Variants in FHIP1A observed in about 807,000 individuals in gnomAD.
FHIP1A encodes FHF complex subunit HOOK interacting protein 1A, also known as FHF complex subunit HOOK-interacting protein 1A.
Under a neutral mutation model 88.6 loss-of-function variants are expected in FHIP1A, and 61 were observed. The ratio of observed to expected loss-of-function variants is 0.69; its 90% CI spans 0.56 to 0.85. The LOEUF is 0.85. Among genes scored for constraint, FHIP1A ranks in the 40% least tolerant of loss-of-function variants. FHIP1A has a pLI of 0.00. For missense variants in FHIP1A, 1,154 were observed against 1,273.5 expected, an observed-to-expected ratio of 0.91 and a Z score of 1.43; for synonymous variants, 478 against 496.0, an observed-to-expected ratio of 0.96 and a Z score of 0.48.
chr4:151,520,054 A>G (rs994801660), intron 3 of FHIP1A, among the ~76,000 whole-genome samples: 1 of 152,064 alleles, frequency 6.6e-6, no homozygotes, highest in Admixed American at 6.6e-5. Flanking sequence ...CTCTTTACTA[A>G]CCATATCTTT....
chr4:151,576,635 T>A (rs985821077), intron 4 of FHIP1A: 1 of 152,226 alleles, frequency 6.6e-6, no homozygotes, highest in African/African-American at 2.4e-5. Context: ...TGTTTCATAA[T>A]TGGTTGTCTC....
intron 3 of FHIP1A, among the ~76,000 whole-genome samples, chr4:151,556,186 A>G (rs1473760149): frequency 6.6e-6 from 1 of 152,136 alleles, no homozygotes; most frequent in Non-Finnish European, 1.5e-5. Context: ...GTTCTCTAGA[A>G]AGGAGCAACT....
chr4:151,571,178 A>T (rs1578766501), intron 4 of FHIP1A, among the ~76,000 whole-genome samples: 1 of 152,246 alleles, frequency 6.6e-6, no homozygotes, highest in Non-Finnish European at 1.5e-5. Flanking sequence ...CCTTTCAAGC[A>T]TTGAATTCCA....
intron 3 of FHIP1A, among the ~76,000 whole-genome samples, chr4:151,502,183 A>T (rs1730677623): frequency 6.6e-6 from 1 of 151,444 alleles, no homozygotes; most frequent in African/African-American, 2.4e-5. Flanking sequence ...AGAAAAGAAA[A>T]AATTAGCCAG....
At chr4:151,491,703 G>A (rs1294754830) in intron 3 of FHIP1A, among the ~76,000 whole-genome samples, 3 of 152,096 alleles carry the variant, frequency 2.0e-5, no homozygotes, top group African/African-American at 7.2e-5. Context: ...CAGAATGGCA[G>A]AATGGATAAA....
chr4:151,618,359 A>G (rs765570232), intron 7 of FHIP1A, among the ~76,000 whole-genome samples: 2 of 152,228 alleles, frequency 1.3e-5, no homozygotes, highest in African/African-American at 4.8e-5. Context: ...CTAGTTCATC[A>G]TCATTTTACA....
intron 3 of FHIP1A, among the ~76,000 whole-genome samples, chr4:151,546,241 G>A (rs1732498035): frequency 6.6e-6 from 1 of 152,132 alleles, no homozygotes; most frequent in Admixed American, 6.5e-5. Flanking sequence ...TTGGACTCCC[G>A]GATTTATACC....
At chr4:151,596,614 T>C (rs1442970969) in intron 7 of FHIP1A, among the ~76,000 whole-genome samples, 1 of 152,148 alleles carries the variant, frequency 6.6e-6, no homozygotes, top group Admixed American at 6.5e-5. Flanking sequence ...TCCTGAAGAG[T>C]GTTTTCCAAG....
Position 151,447,593 on chromosome 4 carries a change from T to C in FHIP1A, c.-355-7108T>C, listed in dbSNP as rs373331405. Among the ~76,000 whole-genome samples the C allele has an allele frequency of 3.9e-5, 6 of 152,304 alleles. No individual in the cohort carries two copies. In the South Asian group the frequency reaches 1.0e-3, roughly 26 times the overall value. On this transcript the variant is annotated intron_variant, in intron 1 of 13. Coordinates refer to ENST00000435205, the MANE Select transcript of FHIP1A (RefSeq NM_001109977.3). ...ATTTTTAAAAAATTGTAGTGAAATA[T>C]ACATTTTATGGGCTGAATTGTGCCC...
chr4:151,605,898 CG>C (rs1417074925), intron 7 of FHIP1A, among the ~76,000 whole-genome samples: 1 of 152,110 alleles, frequency 6.6e-6, no homozygotes, highest in Non-Finnish European at 1.5e-5. Context: ...GCTGGAACTC[CG>C]GTAGAGCCCA....
intron 5 of FHIP1A, among the ~76,000 whole-genome samples, chr4:151,580,962 A>T (rs908926289): frequency 2.0e-5 from 3 of 152,152 alleles, no homozygotes; most frequent in Non-Finnish European, 4.4e-5. Flanking sequence ...GGTTCAAGTG[A>T]TTCTCATGCC....
intron 7 of FHIP1A, among the ~76,000 whole-genome samples, chr4:151,618,620 T>G (rs1341803663): frequency 6.6e-6 from 1 of 152,184 alleles, no homozygotes; most frequent in Non-Finnish European, 1.5e-5. Flanking sequence ...GGAAGGCACT[T>G]TTCACAGAAG....
At chr4:151,551,183 G>C (rs1011182556) in intron 3 of FHIP1A, among the ~76,000 whole-genome samples, 2 of 152,118 alleles carry the variant, frequency 1.3e-5, no homozygotes, top group East Asian at 3.8e-4. Flanking sequence ...TTAGTAAAAG[G>C]GTAGGGGAAG....
rs536371663 is a variant in FHIP1A at position 151,663,556 on chromosome 4, T to A, written c.*802T>A. Reference sequence around the variant, plus strand: ...GGAGTTTGATCAGATGAAGAAGTAATGGTATCACATATATATGTAAGAAGA... The same window carrying A: ...GGAGTTTGATCAGATGAAGAAGTAAAGGTATCACATATATATGTAAGAAGA... On this transcript the variant is annotated 3_prime_UTR_variant, in exon 14 of 14. Transcript: ENST00000435205. The A allele has an allele frequency of 6.6e-6, 1 of 152,210 alleles. No individual in the cohort carries two copies. The highest frequency in any genetic ancestry group is 1.5e-5 in the Non-Finnish European group (1 of 68,032). The allele number at this position is 152,210 out of a possible 1,614,324, so 9.4% of individuals were successfully genotyped here.
At chr4:151,510,018 GGCCCT>G (rs1326363643) in intron 3 of FHIP1A, among the ~76,000 whole-genome samples, 1 of 152,084 alleles carries the variant, frequency 6.6e-6, no homozygotes, top group Non-Finnish European at 1.5e-5. Flanking sequence ...TTCCTACTCT[GGCCCT>G]TTCCTTTTCC....
chr4:151,553,739 T>C (rs1732837106), intron 3 of FHIP1A, among the ~76,000 whole-genome samples: 1 of 152,216 alleles, frequency 6.6e-6, no homozygotes, highest in Admixed American at 6.5e-5. Context: ...TTGTTTTGCC[T>C]ATTTCCAATC....
intron 3 of FHIP1A, among the ~76,000 whole-genome samples, chr4:151,496,228 A>G (rs6855845): frequency 0.51 from 75,344 of 149,108 alleles, 19,314 homozygotes; most frequent in Non-Finnish European, 0.55. Flanking sequence ...TAAATAAACA[A>G]AAGATTATAT....
chr4:151,666,095 A>ATC lies in FHIP1A; in HGVS notation c.*3342_*3343insCT, dbSNP rs1460643933. Among the ~76,000 whole-genome samples the ATC allele has an allele frequency of 1.3e-5, 2 of 152,268 alleles. No individual in the cohort carries two copies. The highest frequency in any genetic ancestry group is 6.5e-5 in the Admixed American group (1 of 15,290). ...CTGAGTGACTTCTGTGGTTCAAAAT[A>ATC]TATGAGAGCACTGGGATATTTAAAA... On this transcript the variant is annotated 3_prime_UTR_variant, in exon 14 of 14. Transcript: ENST00000435205.
At chr4:151,592,928 T>G (rs1734494517) in intron 7 of FHIP1A, among the ~76,000 whole-genome samples, 1 of 152,216 alleles carries the variant, frequency 6.6e-6, no homozygotes, top group Admixed American at 6.5e-5. Context: ...CCATCGTGAA[T>G]TAATTTTTGT....
Sources: gnomAD v4.1 joint callset for allele counts (sites outside exome capture counted in the v4.1 genomes callset) on GRCh38, gnomAD v4.1.1 for gene constraint, MANE v1.5 for transcripts, NCBI Gene and HGNC (gene_info 2026-07-23, HGNC 2026-07-21) for gene names.